The following JAKMIP1 variants were observed in gnomAD, a reference collection of about 807,000 sequenced individuals.
The protein encoded by JAKMIP1 is janus kinase and microtubule interacting protein 1.
In JAKMIP1, 33 loss-of-function variants were observed where a neutral mutation model predicts 113.0. That is an observed-to-expected ratio of 0.29 (90% CI 0.22 to 0.39). The LOEUF (loss-of-function observed/expected upper bound fraction) is 0.39. Ranked by LOEUF, JAKMIP1 falls within the 10% of genes least tolerant of loss-of-function variation. The pLI is 1.00. For missense variants in JAKMIP1, 813 were observed against 1,080.5 expected (o/e 0.75, Z 3.47); for synonymous variants, 480 against 459.9 (o/e 1.04, Z -0.56).
In JAKMIP1 at chr4:6,061,735, A is replaced by G. The variant is rs1444225551; in HGVS notation, c.1560+577T>C. On this transcript the variant is annotated intron_variant, in intron 10 of 20. Coordinates refer to ENST00000409021, the MANE Select transcript of JAKMIP1 (RefSeq NM_001099433.2). The surrounding 1 kb of genome is among the most constrained non-coding windows in gnomAD (Gnocchi z 5.3). ...GAAGCACCCGTGTGTGCTCTCCGGG[A>G]GTCCTCCACACTCCCAGGAGGAAGC... Among the ~76,000 whole-genome samples the G allele has an allele frequency of 6.6e-6, 1 of 152,122 alleles. No individual in the cohort carries two copies. The highest frequency in any genetic ancestry group is 2.4e-5 in the African/African-American group (1 of 41,426).
chr4:6,082,976 A>C (rs781114320), intron 5 of JAKMIP1, among the ~76,000 whole-genome samples: 7 of 152,224 alleles, frequency 4.6e-5, no homozygotes, highest in Admixed American at 2.6e-4. Context: ...TTGCAGAACA[A>C]TACACAGCAG....
rs149660210 is a variant in JAKMIP1 at position 6,089,910 on chromosome 4, G to A, written c.625-4281C>T. On this transcript the variant is annotated intron_variant, in intron 3 of 20. Transcript: ENST00000409021. The surrounding 1 kb of genome is among the most constrained non-coding windows in gnomAD (Gnocchi z 5.3). ...GCAAATTAAGATGAGGTTATACCACGTTAGGGTGGACCCTAAACCCACTGA... is the reference window on the plus strand; with the variant it reads ...GCAAATTAAGATGAGGTTATACCACATTAGGGTGGACCCTAAACCCACTGA... Among the ~76,000 whole-genome samples the A allele has an allele frequency of 1.2e-3, 179 of 152,290 alleles. 1 individual carries two copies. The South Asian group carries it at 0.019, about 16-fold the overall frequency.
Position 6,168,551 on chromosome 4 carries a change from CCA to C in JAKMIP1, c.-148+31700_-148+31701del, listed in dbSNP as rs1156630571. Among the ~76,000 whole-genome samples the C allele has an allele frequency of 3.0e-4, 45 of 152,276 alleles. No individual in the cohort carries two copies. The highest frequency in any genetic ancestry group is 1.1e-3 in the African/African-American group (45 of 41,554). On this transcript the variant is annotated intron_variant, in intron 1 of 20. Transcript: ENST00000409021. This position sits in a 1 kb window ranked among gnomAD's most constrained non-coding sequence, Gnocchi z 4.6. ...AATGAAGAAAGCCAGTCACAAAATA[CCA>C]CAGATTGAATATTCCATTTAGATTA...
rs915215816 is a variant in JAKMIP1 at position 6,150,894 on chromosome 4, A to C, written c.-147-37897T>G. ...ACCCAGTGCAACACCTGAAGCAGTCAGCGTTGAGTGTGCCCAGGTGACACA... is the reference window on the plus strand; with the variant it reads ...ACCCAGTGCAACACCTGAAGCAGTCCGCGTTGAGTGTGCCCAGGTGACACA... On this transcript the variant is annotated intron_variant, in intron 1 of 20. Coordinates refer to ENST00000409021, the MANE Select transcript of JAKMIP1 (RefSeq NM_001099433.2). This position sits in a 1 kb window ranked among gnomAD's most constrained non-coding sequence, Gnocchi z 4.8. 4.6e-5 allele frequency among the ~76,000 whole-genome samples: 7 copies of C among 152,202 alleles called. No individual in the cohort carries two copies. Among genetic ancestry groups the C allele is most frequent in the African/African-American group, 1.7e-4 (7 of 41,448 alleles).
intron 1 of JAKMIP1, among the ~76,000 whole-genome samples, chr4:6,117,351 C>T (rs961746809): frequency 1.3e-5 from 2 of 152,018 alleles, no homozygotes; most frequent in African/African-American, 2.4e-5. Context: ...TGGTAGGATC[C>T]GTGATGCCCC....
rs1717699046 is a variant in JAKMIP1 at position 6,064,066 on chromosome 4, C to T, written c.1431+814G>A. The stretch of plus-strand genomic sequence containing the variant: ...TGGGCTCAGAAAAAGCCACCAGGGG[C>T]CTGCATGGGAAGAGGCAGAAGAGCA... On this transcript the variant is annotated intron_variant, in intron 9 of 20. Coordinates refer to ENST00000409021, the MANE Select transcript of JAKMIP1 (RefSeq NM_001099433.2). This position sits in a 1 kb window ranked among gnomAD's most constrained non-coding sequence, Gnocchi z 4.3. Among the ~76,000 whole-genome samples the T allele has an allele frequency of 6.6e-6, 1 of 152,248 alleles. No individual in the cohort carries two copies. The highest frequency in any genetic ancestry group is 2.4e-5 in the African/African-American group (1 of 41,470).
chr4:6,054,731 A>G, intron 12 of JAKMIP1: 1 of 456,676 alleles, frequency 2.2e-6, no homozygotes, highest in South Asian at 1.5e-5. Context: ...CACTCAGCCC[A>G]CTACTCCAGC....
At chr4:6,027,573 T>C (rs369868889) in intron 20 of JAKMIP1, among the ~76,000 whole-genome samples, 24 of 152,180 alleles carry the variant, frequency 1.6e-4, no homozygotes, top group East Asian at 9.7e-4. Context: ...GAAGGTGGCA[T>C]GAGGCATCTT....
At chr4:6,084,025 GA>G (rs1303329300) in intron 5 of JAKMIP1, among the ~76,000 whole-genome samples, 2 of 152,088 alleles carry the variant, frequency 1.3e-5, no homozygotes, top group African/African-American at 2.4e-5. Context: ...CCACCTAAAA[GA>G]ATAACTTCTA....
At chr4:6,037,902 G>A (rs1343948176) in intron 18 of JAKMIP1, among the ~76,000 whole-genome samples, 3 of 135,488 alleles carry the variant, frequency 2.2e-5, no homozygotes, top group East Asian at 4.7e-4. Flanking sequence ...CTCCATCACT[G>A]AGGCAGAGGC....
At position 6,178,236 on chromosome 4, in the gene JAKMIP1, G is replaced by T. The variant is rs1039253198; in HGVS notation, c.-148+22017C>A. ...GTATCTCATTTTTGAATTGAGAGAC[G>T]TGGCTACCTTTCAGGTAAGCAGCTT... On this transcript the variant is annotated intron_variant, in intron 1 of 20. Coordinates refer to ENST00000409021, the MANE Select transcript of JAKMIP1 (RefSeq NM_001099433.2). This position sits in a 1 kb window ranked among gnomAD's most constrained non-coding sequence, Gnocchi z 5.5. Among the ~76,000 whole-genome samples the T allele has an allele frequency of 6.6e-6, 1 of 152,224 alleles. No individual in the cohort carries two copies. The highest frequency in any genetic ancestry group is 1.5e-5 in the Non-Finnish European group (1 of 68,042).
rs1718197473 is a variant in JAKMIP1 at position 6,129,401 on chromosome 4, C to T, written c.-147-16404G>A. Among the ~76,000 whole-genome samples the T allele has an allele frequency of 1.3e-5, 2 of 152,180 alleles. No homozygotes were observed. Among genetic ancestry groups the T allele is most frequent in the South Asian group, 4.1e-4 (2 of 4,832 alleles). Reference sequence around the variant, plus strand: ...ACCATTAAGGGTCCTTGGCCTTGCTCTTGGATAAACAAAGCCATGAGTGTT... The same window carrying T: ...ACCATTAAGGGTCCTTGGCCTTGCTTTTGGATAAACAAAGCCATGAGTGTT... On this transcript the variant is annotated intron_variant, in intron 1 of 20. Transcript: ENST00000409021. This position sits in a 1 kb window ranked among gnomAD's most constrained non-coding sequence, Gnocchi z 5.4.
Position 6,141,480 on chromosome 4 carries a change from CA to C in JAKMIP1, c.-147-28484del, listed in dbSNP as rs1044544709. On this transcript the variant is annotated intron_variant, in intron 1 of 20. Coordinates refer to ENST00000409021, the MANE Select transcript of JAKMIP1 (RefSeq NM_001099433.2). This position sits in a 1 kb window ranked among gnomAD's most constrained non-coding sequence, Gnocchi z 9.4. The stretch of plus-strand genomic sequence containing the variant: ...ATACCAAAAAACAAACAAACAAACA[CA>C]AAAAACAAAGTGGTAGATGAAACCC... Among the ~76,000 whole-genome samples the C allele has an allele frequency of 6.6e-6, 1 of 152,008 alleles. No homozygotes were observed. The highest frequency in any genetic ancestry group is 1.5e-5 in the Non-Finnish European group (1 of 67,978).
chr4:6,090,635 T>C (rs1421327803), intron 3 of JAKMIP1, among the ~76,000 whole-genome samples: 1 of 150,906 alleles, frequency 6.6e-6, no homozygotes, highest in African/African-American at 2.4e-5. Context: ...TAAACTAGAG[T>C]GTCACCGCCT....
intron 1 of JAKMIP1, among the ~76,000 whole-genome samples, chr4:6,122,774 C>T (rs151233233): frequency 1.3e-4 from 20 of 152,240 alleles, no homozygotes; most frequent in Non-Finnish European, 2.6e-4. Flanking sequence ...GGCGAGAGCA[C>T]GGGCTCAGGA....
rs77832487 is a variant in JAKMIP1 at position 6,176,670 on chromosome 4, C to A, written c.-148+23583G>T. On this transcript the variant is annotated intron_variant, in intron 1 of 20. Transcript: ENST00000409021. The surrounding 1 kb of genome is among the most constrained non-coding windows in gnomAD (Gnocchi z 5.5). The stretch of plus-strand genomic sequence containing the variant: ...GTAGAATGACTCACCCAAGGTTCCA[C>A]TGAACATGCAAAAGGACCCAGGATT... Among the ~76,000 whole-genome samples the A allele has an allele frequency of 1.5e-3, 225 of 152,274 alleles. No individual in the cohort carries two copies. Among genetic ancestry groups the A allele is most frequent in the African/African-American group, 4.9e-3 (204 of 41,554 alleles).
At position 6,051,849 on chromosome 4, in the gene JAKMIP1, C is replaced by T. The variant is rs188243279; in HGVS notation, c.1807-1170G>A. Among the ~76,000 whole-genome samples, 4 of 152,298 alleles carry T rather than the reference C, an allele frequency of 2.6e-5. No homozygotes were observed. Among genetic ancestry groups the T allele is most frequent in the Admixed American group, 2.0e-4 (3 of 15,300 alleles). On this transcript the variant is annotated intron_variant, in intron 13 of 20. Coordinates refer to ENST00000409021, the MANE Select transcript of JAKMIP1 (RefSeq NM_001099433.2). The surrounding 1 kb of genome is among the most constrained non-coding windows in gnomAD (Gnocchi z 5.0). ...ACAGAATGGACTTTAAACACTTTAG[C>T]GATGGACAGATTTGTCATGGTGGGG...
chr4:6,160,827 T>G (rs1347945399), intron 1 of JAKMIP1, among the ~76,000 whole-genome samples: 1 of 150,638 alleles, frequency 6.6e-6, no homozygotes, highest in Non-Finnish European at 1.5e-5. Context: ...ACTGACTCAC[T>G]GACCTCCACT....
intron 1 of JAKMIP1, among the ~76,000 whole-genome samples, chr4:6,131,173 A>AAAAAAAAAAG (rs71173409): frequency 0.084 from 8,003 of 95,074 alleles, 1,686 homozygotes; most frequent in African/African-American, 0.29. Context: ...AAAAAAAAAA[A>AAAAAAAAAAG]AATATCCCAG....
Sources: gnomAD v4.1 joint callset for allele counts (sites outside exome capture counted in the v4.1 genomes callset) on GRCh38, gnomAD v4.1.1 for gene constraint, Gnocchi (gnomAD v3.1) non-coding constraint, MANE v1.5 for transcripts, NCBI Gene and HGNC (gene_info 2026-07-23, HGNC 2026-07-21) for gene names.